Variants in ZNF536 observed in about 807,000 individuals in gnomAD.
ZNF536 encodes zinc finger protein 536.
In ZNF536, 13 loss-of-function variants were observed where a neutral mutation model predicts 84.5. That is an observed-to-expected ratio of 0.15 (90% CI 0.10 to 0.24). ZNF536 has a LOEUF of 0.24. Among genes scored for constraint, ZNF536 ranks in the 10% least tolerant of loss-of-function variants. The pLI is 1.00. For synonymous variants in ZNF536, 811 were observed against 742.5 expected, an observed-to-expected ratio of 1.09 and a Z score of -1.50; for missense variants, 1,536 against 1,747.5, an observed-to-expected ratio of 0.88 and a Z score of 2.16.
chr19:30,319,656 C>T (rs1258952343), intron 2 of ZNF536, among the ~76,000 whole-genome samples: 1 of 152,170 alleles, frequency 6.6e-6, no homozygotes, highest in Admixed American at 6.5e-5. Context: ...AAACCAAACT[C>T]TTATGTAAAT....
At chr19:30,405,224 C>T (rs529109174) in intron 1 of ZNF536, among the ~76,000 whole-genome samples, 1 of 152,238 alleles carries the variant, frequency 6.6e-6, no homozygotes, top group South Asian at 2.1e-4. Context: ...GGTCTTAAGA[C>T]CCCAAGTCAG....
chr19:30,257,063 T>C (rs142730227), intron 1 of ZNF536, among the ~76,000 whole-genome samples: 1 of 152,336 alleles, frequency 6.6e-6, no homozygotes, highest in East Asian at 1.9e-4. Flanking sequence ...TCATATAGCT[T>C]ATATGTCTTC....
chr19:30,431,193 C>T (rs1360448448), intron 1 of ZNF536, among the ~76,000 whole-genome samples: 3 of 152,184 alleles, frequency 2.0e-5, no homozygotes, highest in Non-Finnish European at 2.9e-5. Flanking sequence ...AGCCAGCTCC[C>T]CCAGAACCTG....
intron 1 of ZNF536, among the ~76,000 whole-genome samples, chr19:30,649,065 T>C (rs1781561332): frequency 6.6e-6 from 1 of 152,146 alleles, no homozygotes; most frequent in Admixed American, 6.5e-5. Context: ...TTAACCAGGA[T>C]CAACCCTGGG....
At chr19:30,679,478 C>T (rs1157548510) in intron 1 of ZNF536, among the ~76,000 whole-genome samples, 2 of 152,160 alleles carry the variant, frequency 1.3e-5, no homozygotes, top group South Asian at 2.1e-4. Context: ...TAAAGCCCAC[C>T]GGGCTGCCTG....
At chr19:30,585,754 C>A (rs1486274937) in intron 1 of ZNF536, among the ~76,000 whole-genome samples, 4 of 152,146 alleles carry the variant, frequency 2.6e-5, no homozygotes, top group Non-Finnish European at 5.9e-5. Context: ...ATGACCTTCC[C>A]TCCTGCCCTC....
intron 1 of ZNF536, among the ~76,000 whole-genome samples, chr19:30,245,535 A>G (rs1263131716): frequency 6.6e-6 from 1 of 152,362 alleles, no homozygotes; most frequent in South Asian, 2.1e-4. Context: ...GAGAACAATG[A>G]CATGTCATGA....
chr19:30,504,718 T>G (rs4804934), intron 2 of ZNF536, among the ~76,000 whole-genome samples: 18,464 of 149,852 alleles, frequency 0.12, 1,447 homozygotes, highest in East Asian at 0.29. Flanking sequence ...GAGCATCTGC[T>G]TCTTGTCAGG....
intron 1 of ZNF536, among the ~76,000 whole-genome samples, chr19:30,660,368 G>A (rs1180954182): frequency 6.6e-6 from 1 of 152,122 alleles, no homozygotes; most frequent in Non-Finnish European, 1.5e-5. Flanking sequence ...CTCTGATGTT[G>A]GGAAATGCTG....
chr19:30,535,095 A>G, intron 3 of ZNF536, 96 bp downstream of exon 3: 1 of 1,412,906 alleles, frequency 7.1e-7, no homozygotes, highest in South Asian at 1.5e-5. Context: ...TGTGTGGGTC[A>G]CTAACTCTGG....
At chr19:30,561,117 A>G (rs1034654591), downstream of ZNF536, among the ~76,000 whole-genome samples, 7 of 152,236 alleles carry the variant, frequency 4.6e-5, no homozygotes, top group East Asian at 9.6e-4. Context: ...GTTGTTGTCA[A>G]ATTAACATAA....
At chr19:30,238,138 A>G (rs931505714) in intron 1 of ZNF536, among the ~76,000 whole-genome samples, 3 of 152,220 alleles carry the variant, frequency 2.0e-5, no homozygotes, top group African/African-American at 7.2e-5. Context: ...AGCTACTCTT[A>G]TTACTTGTGT....
At position 30,441,846 on chromosome 19, in the gene ZNF536, T is replaced by C. The variant is rs142752270; in HGVS notation, c.-2-1715T>C. The stretch of plus-strand genomic sequence containing the variant: ...ATTCATGGCTCTTTCTTCCCTTCCC[T>C]TGCAAGATAGACTCCTCCTGCCAAG... On this transcript the variant is annotated intron_variant, in intron 1 of 4. Transcript: ENST00000355537. Among the ~76,000 whole-genome samples the C allele has an allele frequency of 2.0e-3, 302 of 152,304 alleles. 1 individual carries two copies. The highest frequency in any genetic ancestry group is 6.9e-3 in the African/African-American group (287 of 41,582).
At chr19:30,607,783 T>C (rs2047952185) in intron 1 of ZNF536, among the ~76,000 whole-genome samples, 1 of 151,984 alleles carries the variant, frequency 6.6e-6, no homozygotes. Context: ...ATTAGAAATA[T>C]ATATGTATAT....
chr19:30,493,089 C>CT (rs201787656), intron 2 of ZNF536, among the ~76,000 whole-genome samples: 1,918 of 71,592 alleles, frequency 0.027, 483 homozygotes, highest in African/African-American at 0.057. Context: ...ATATTACTCA[C>CT]TTTTTTTTTT....
At chr19:30,313,610 T>G (rs1447618980) in intron 2 of ZNF536, among the ~76,000 whole-genome samples, 1 of 152,162 alleles carries the variant, frequency 6.6e-6, no homozygotes, top group Non-Finnish European at 1.5e-5. Flanking sequence ...GGGCCAGAGA[T>G]CCCTGTCCAA....
chr19:30,323,974 A>G (rs1274980021), intron 2 of ZNF536, among the ~76,000 whole-genome samples: 3 of 151,498 alleles, frequency 2.0e-5, no homozygotes, highest in Admixed American at 2.0e-4. Context: ...CATCCACTCA[A>G]TCAACTACCC....
At chr19:30,593,218 C>G (rs2047335463) in intron 1 of ZNF536, among the ~76,000 whole-genome samples, 1 of 152,118 alleles carries the variant, frequency 6.6e-6, no homozygotes, top group Non-Finnish European at 1.5e-5. Flanking sequence ...TTCTGCTTGT[C>G]AGTATCAGAT....
chr19:30,592,982 C>T (rs893637399), intron 1 of ZNF536, among the ~76,000 whole-genome samples: 4 of 152,182 alleles, frequency 2.6e-5, no homozygotes, highest in African/African-American at 9.7e-5. Context: ...ATCATCAAGT[C>T]CAGCATCTTC....
Sources: allele counts gnomAD v4.1 joint callset (sites outside exome capture counted in the v4.1 genomes callset), GRCh38; gene constraint gnomAD v4.1.1; transcripts MANE v1.5; gene names NCBI Gene and HGNC (gene_info 2026-07-23, HGNC 2026-07-21).